PLXNC1: variants seen among roughly 807,000 people sequenced by gnomAD.
PLXNC1 encodes the protein plexin C1.
PLXNC1 carries 75 observed loss-of-function variants against 178.2 expected under a neutral mutation model. The observed-to-expected ratio is 0.42, with a 90% confidence interval of 0.35 to 0.51. The LOEUF (loss-of-function observed/expected upper bound fraction) is 0.51, where lower values mean the gene tolerates loss of function less well. Ranked by LOEUF, PLXNC1 falls within the 20% of genes least tolerant of loss-of-function variation. The pLI, the probability that PLXNC1 is intolerant of heterozygous loss-of-function variation, is 0.02. For missense variants in PLXNC1, 1,503 were observed against 1,984.4 expected (o/e 0.76, Z 4.61); for synonymous variants, 790 against 779.9 (o/e 1.01, Z -0.22).
intron 23 of PLXNC1, chr12:94,282,740 C>T (rs1966541348): frequency 5.2e-6 from 1 of 190,538 alleles, no homozygotes; most frequent in Non-Finnish European, 1.1e-5. Flanking sequence ...CGTGCTGATG[C>T]TAAACAAAGC....
In PLXNC1 at chr12:94,306,884, TCAAA is replaced by T. The variant is rs369746258; in HGVS notation, c.*1608_*1611del. On this transcript the variant is annotated 3_prime_UTR_variant, in exon 31 of 31. Transcript: ENST00000258526. ...CCATTGTCTGTCCAACGGACACACC[TCAAA>T]CAAACAAAACTACCAAATAGATGAC... The T allele has an allele frequency of 3.0e-3, 453 of 152,240 alleles. 1 individual carries two copies. The highest frequency in any genetic ancestry group is 0.01 in the African/African-American group (434 of 41,538). The allele number at this position is 152,240 out of a possible 1,614,324, so 9.4% of individuals were successfully genotyped here. A position where few individuals can be genotyped will look rare whatever the true frequency, so the allele number is the denominator to read the frequency against.
intron 23 of PLXNC1, among the ~76,000 whole-genome samples, chr12:94,289,134 C>G (rs1967007263): frequency 1.3e-5 from 2 of 152,138 alleles, no homozygotes; most frequent in Admixed American, 1.3e-4. Context: ...TAAGCTGTGC[C>G]ATAAACATGG....
chr12:94,291,451 G>C (rs1278380464), intron 23 of PLXNC1, among the ~76,000 whole-genome samples: 1 of 152,136 alleles, frequency 6.6e-6, no homozygotes, highest in Non-Finnish European at 1.5e-5. Context: ...GGCTGGTCTT[G>C]AACTCCTAGG....
chr12:94,211,308 A>G (rs1225507122), intron 5 of PLXNC1, among the ~76,000 whole-genome samples: 1 of 152,240 alleles, frequency 6.6e-6, no homozygotes, highest in Non-Finnish European at 1.5e-5. Flanking sequence ...AAAGAAGATA[A>G]GAAGTTCGTA....
rs532736422 is a variant in PLXNC1 at position 94,212,793 on chromosome 12, C to T, written c.1554+3089C>T. ...GGAGTGCAGTGGCACGATCTTGGCT[C>T]ACTGCAAGCTCCGCCTCCCAGGTTC... On this transcript the variant is annotated intron_variant, in intron 5 of 30. Transcript: ENST00000258526. Among the ~76,000 whole-genome samples, 6 of 149,360 alleles carry T rather than the reference C, an allele frequency of 4.0e-5. No individual in the cohort carries two copies. In the East Asian group the frequency reaches 7.9e-4, roughly 20 times the overall value.
intron 5 of PLXNC1, among the ~76,000 whole-genome samples, chr12:94,211,954 A>G (rs1963481170): frequency 6.6e-6 from 1 of 152,220 alleles, no homozygotes; most frequent in African/African-American, 2.4e-5. Context: ...GATGTGGTGG[A>G]GAAGGAAAGC....
chr12:94,208,540 C>G (rs556703232), intron 4 of PLXNC1, among the ~76,000 whole-genome samples: 2 of 152,300 alleles, frequency 1.3e-5, no homozygotes, highest in African/African-American at 4.8e-5. Context: ...CGGGACTCCC[C>G]GTAGCTGAAT....
intron 1 of PLXNC1, among the ~76,000 whole-genome samples, chr12:94,154,660 T>C (rs1961093111): frequency 1.3e-5 from 2 of 152,244 alleles, no homozygotes; most frequent in Admixed American, 6.5e-5. Context: ...CCCTTGCAAC[T>C]GCTATGCTAA....
At chr12:94,237,906 C>T (rs1592796735) in intron 10 of PLXNC1, 103 bp downstream of exon 10, 16 of 1,210,398 alleles carry the variant, frequency 1.3e-5, no homozygotes, top group East Asian at 5.0e-5. Flanking sequence ...AAATTATTGC[C>T]ATGCCCCAAA....
chr12:94,272,482 T>C (rs530522057), intron 21 of PLXNC1: 1 of 152,348 alleles, frequency 6.6e-6, no homozygotes, highest in Non-Finnish European at 1.5e-5. Flanking sequence ...AACCAGAACA[T>C]GTCCTGACTC....
At chr12:94,174,806 G>C (rs116942596) in intron 2 of PLXNC1, among the ~76,000 whole-genome samples, 2,976 of 152,234 alleles carry the variant, frequency 0.02, 39 homozygotes, top group Non-Finnish European at 0.03. Flanking sequence ...CTTGGAAGTG[G>C]GTTCATTGGT....
Position 94,300,858 on chromosome 12 carries a change from T to C in PLXNC1, c.4239-52T>C, listed in dbSNP as rs150361571. 757 of 1,556,660 alleles carry C rather than the reference T, an allele frequency of 4.9e-4. 3 individuals carry two copies. In the African/African-American group the frequency reaches 9.0e-3, roughly 19 times the overall value. On this transcript the variant is annotated intron_variant, in intron 27 of 30. Transcript: ENST00000258526. ...TTTACAAACTGTGATAAACAGACCATTGGCTTCATGAATGGCCCTATTTGA... is the reference window on the plus strand; with the variant it reads ...TTTACAAACTGTGATAAACAGACCACTGGCTTCATGAATGGCCCTATTTGA...
At chr12:94,165,151 G>C (rs1809508) in intron 1 of PLXNC1, among the ~76,000 whole-genome samples, 2 of 152,178 alleles carry the variant, frequency 1.3e-5, no homozygotes, top group African/African-American at 4.8e-5. Context: ...GGGCAAGATA[G>C]AAAATAGGCC....
intron 4 of PLXNC1, among the ~76,000 whole-genome samples, chr12:94,195,766 C>T (rs577028488): frequency 7.2e-5 from 11 of 152,280 alleles, no homozygotes; most frequent in African/African-American, 1.2e-4. Flanking sequence ...GATCATTTCT[C>T]GCTCGGTCTA....
rs763340906 is a variant in PLXNC1, at chr12:94,305,325, A to C, written c.*40A>C. Reference sequence around the variant, plus strand: ...GGCTTAATCTGGCAAAGTTCTTCAGACGACTTGGGAGCAAAATGGCTGCTT... The same window carrying C: ...GGCTTAATCTGGCAAAGTTCTTCAGCCGACTTGGGAGCAAAATGGCTGCTT... On this transcript the variant is annotated 3_prime_UTR_variant, in exon 31 of 31. Coordinates refer to ENST00000258526, the MANE Select transcript of PLXNC1 (RefSeq NM_005761.3). The C allele has an allele frequency of 2.4e-6, 3 of 1,268,038 alleles. No homozygotes were observed. The highest frequency in any genetic ancestry group is 2.3e-6 in the Non-Finnish European group (2 of 881,648). The allele number at this position is 1,268,038 out of a possible 1,614,324, so 78.5% of individuals were successfully genotyped here.
Position 94,265,189 on chromosome 12 carries a change from C to T in PLXNC1, c.3561C>T (p.Asp1187=). The T allele has an allele frequency of 6.2e-7, 1 of 1,612,682 alleles. No individual in the cohort carries two copies. Among genetic ancestry groups the T allele is most frequent in the East Asian group, 2.2e-5 (1 of 44,870 alleles). The change falls in exon 21 of 31, where the codon GAC becomes GAT. Residue 1187 remains aspartate (D), a synonymous_variant. Transcript: ENST00000258526. ...TCKALYTLNE[D]WLLWQVPEFS... ...AAGCCCTGTACACACTTAATGAAGA[C>T]TGGCTGTTGTGGCAGGTTCCGGAAT...
At chr12:94,163,483 AG>A (rs1412578450) in intron 1 of PLXNC1, among the ~76,000 whole-genome samples, 2 of 152,108 alleles carry the variant, frequency 1.3e-5, no homozygotes, top group African/African-American at 4.8e-5. Flanking sequence ...AATTAGCCAT[AG>A]GGAGGAGAAG....
chr12:94,177,159 A>ACACG (rs1555195616), intron 2 of PLXNC1, among the ~76,000 whole-genome samples: 1 of 37,052 alleles, frequency 2.7e-5, no homozygotes, highest in Non-Finnish European at 4.5e-5. Flanking sequence ...GTATATATAT[A>ACACG]TGTATATATA....
At chr12:94,245,614 A>C (rs12829677) in intron 12 of PLXNC1, among the ~76,000 whole-genome samples, 1 of 152,198 alleles carries the variant, frequency 6.6e-6, no homozygotes, top group Non-Finnish European at 1.5e-5. Context: ...GTCCAAGAAG[A>C]CACCATTTCT....
Sources: gnomAD v4.1 joint callset for allele counts (sites outside exome capture counted in the v4.1 genomes callset) on GRCh38, gnomAD v4.1.1 for gene constraint, MANE v1.5 for transcripts, NCBI Gene and HGNC (gene_info 2026-07-23, HGNC 2026-07-21) for gene names.